The following KIAA1217 variants were observed in gnomAD, a reference collection of about 807,000 sequenced individuals.
KIAA1217 encodes sickle tail protein homolog.
KIAA1217 carries 88 observed loss-of-function variants against 163.9 expected under a neutral mutation model. The ratio of observed to expected loss-of-function variants is 0.54; its 90% CI spans 0.45 to 0.64. The LOEUF (loss-of-function observed/expected upper bound fraction) is 0.64, where lower values mean the gene tolerates loss of function less well. Among genes scored for constraint, KIAA1217 ranks in the 30% least tolerant of loss-of-function variants. The pLI is 0.00. For synonymous variants in KIAA1217, 903 were observed against 923.1 expected (o/e 0.98, Z 0.39); for missense variants, 2,372 against 2,475.0 (o/e 0.96, Z 0.88).
At chr10:23,971,216 G>T (rs544235770) in intron 1 of KIAA1217, among the ~76,000 whole-genome samples, 2 of 152,270 alleles carry the variant, frequency 1.3e-5, no homozygotes, top group Admixed American at 1.3e-4. Flanking sequence ...CTTTTGAGGC[G>T]CTCTTCCCTT....
At chr10:24,358,039 C>G (rs1252434229) in intron 2 of KIAA1217, among the ~76,000 whole-genome samples, 1 of 152,220 alleles carries the variant, frequency 6.6e-6, no homozygotes, top group Non-Finnish European at 1.5e-5. Flanking sequence ...AAGCAAGCTG[C>G]ACAGAGCCAA....
rs190833991 is a variant in KIAA1217 at position 24,013,816 on chromosome 10, C to T, written c.-171+6442C>T. 3.9e-5 allele frequency among the ~76,000 whole-genome samples: 6 copies of T among 151,940 alleles called. No homozygotes were observed. In the East Asian group the frequency reaches 7.8e-4, roughly 20 times the overall value. ...CTTGGCCATGCGCTATGGGGAGTGC[C>T]GCCATGAGGGGAGGGAAGGAGAGAT... On this transcript the variant is annotated intron_variant, in intron 2 of 18. Transcript: ENST00000376462.
chr10:23,934,604 TATGTATATATATATATA>T (rs1843431203), intron 1 of KIAA1217, among the ~76,000 whole-genome samples: 3 of 84,172 alleles, frequency 3.6e-5, no homozygotes, highest in African/African-American at 1.2e-4. Flanking sequence ...TATATATATA[TATGTATATATATATATA>T]TATATTTTTT....
At chr10:24,036,713 A>G (rs1848408639) in intron 2 of KIAA1217, among the ~76,000 whole-genome samples, 1 of 152,058 alleles carries the variant, frequency 6.6e-6, no homozygotes, top group Non-Finnish European at 1.5e-5. Flanking sequence ...AAACAACCAG[A>G]TCTCACGTGG....
intron 2 of KIAA1217, among the ~76,000 whole-genome samples, chr10:24,151,458 T>C (rs1219375474): frequency 6.9e-6 from 1 of 145,836 alleles, no homozygotes; most frequent in African/African-American, 2.6e-5. Context: ...GAGTATCTAG[T>C]ATGCATCGGG....
chr10:24,546,321 T>C lies in KIAA1217; in HGVS notation c.5829T>C (p.Ser1943=), dbSNP rs755744382. 1.7e-5 allele frequency: 27 copies of C among 1,589,424 alleles called. No individual in the cohort carries two copies. Among genetic ancestry groups the C allele is most frequent in the Non-Finnish European group, 2.1e-5 (25 of 1,168,432 alleles). ...CCCCATCCACAGCAAAAGAAACCTC[T>C]TAAAGGTCAAATCCTATTAGGCACA... ...KATPSTAKET[S] Residue 1943 remains serine, a synonymous_variant, in exon 21 of 21, where the codon TCT becomes TCC. Transcript: ENST00000376454.
At chr10:24,515,688 C>A (rs1172808815) in intron 10 of KIAA1217, among the ~76,000 whole-genome samples, 1 of 152,170 alleles carries the variant, frequency 6.6e-6, no homozygotes. Flanking sequence ...GAGAGACTAA[C>A]CCAGGGATCA....
intron 2 of KIAA1217, among the ~76,000 whole-genome samples, chr10:24,106,942 G>A (rs1011712707): frequency 1.3e-5 from 2 of 152,132 alleles, no homozygotes; most frequent in African/African-American, 2.4e-5. Context: ...TGGCTAAATT[G>A]CATGTCATGG....
chr10:23,913,985 C>A (rs1842543308), intron 1 of KIAA1217, among the ~76,000 whole-genome samples: 1 of 152,122 alleles, frequency 6.6e-6, no homozygotes, highest in African/African-American at 2.4e-5. Flanking sequence ...CTCCTAGGTG[C>A]CAGGGGTGTT....
At chr10:24,063,057 AG>A (rs1320280285) in intron 2 of KIAA1217, among the ~76,000 whole-genome samples, 1 of 151,824 alleles carries the variant, frequency 6.6e-6, no homozygotes, top group African/African-American at 2.4e-5. Flanking sequence ...TCAGATGAGT[AG>A]GTTGCAAAAA....
At chr10:24,140,115 T>C (rs1702839969) in intron 2 of KIAA1217, among the ~76,000 whole-genome samples, 1 of 151,992 alleles carries the variant, frequency 6.6e-6, no homozygotes, top group African/African-American at 2.4e-5. Context: ...ATCCCAGCAC[T>C]TTGGGAGGCC....
chr10:24,217,908 A>G (rs1401336343), intron 1 of KIAA1217, among the ~76,000 whole-genome samples: 1 of 152,234 alleles, frequency 6.6e-6, no homozygotes, highest in African/African-American at 2.4e-5. Context: ...ATGTTAGTTC[A>G]GTCGTCTTCA....
intron 1 of KIAA1217, among the ~76,000 whole-genome samples, chr10:23,847,242 G>A (rs770269321): frequency 1.6e-4 from 25 of 152,034 alleles, no homozygotes; most frequent in Non-Finnish European, 2.6e-4. Context: ...GGATGATGCC[G>A]GCCTCATAAA....
chr10:24,021,153 A>G (rs1589244622), intron 2 of KIAA1217, among the ~76,000 whole-genome samples: 2 of 151,978 alleles, frequency 1.3e-5, no homozygotes, highest in African/African-American at 4.8e-5. Context: ...ATCTCAATAG[A>G]TAAGTAGAAA....
At chr10:23,745,826 G>C (rs1336794830) in intron 1 of KIAA1217, among the ~76,000 whole-genome samples, 1 of 152,150 alleles carries the variant, frequency 6.6e-6, no homozygotes, top group Non-Finnish European at 1.5e-5. Context: ...CATCAGCAGT[G>C]GGTGCAAATA....
At chr10:23,832,109 G>C (rs1838232807) in intron 1 of KIAA1217, among the ~76,000 whole-genome samples, 1 of 152,082 alleles carries the variant, frequency 6.6e-6, no homozygotes, top group South Asian at 2.1e-4. Flanking sequence ...AGTCCCACAA[G>C]ACTTCTCTCC....
intron 2 of KIAA1217, among the ~76,000 whole-genome samples, chr10:24,070,940 T>A (rs1391266776): frequency 2.6e-5 from 4 of 152,200 alleles, no homozygotes. Context: ...GTTGGGTGAC[T>A]TTGTACCCTT....
chr10:24,034,550 G>A (rs1216378859), intron 2 of KIAA1217, among the ~76,000 whole-genome samples: 1 of 138,798 alleles, frequency 7.2e-6, no homozygotes, highest in Non-Finnish European at 1.6e-5. Flanking sequence ...GCAATAAGAT[G>A]AGACCCTGTC....
chr10:23,969,419 T>G (rs1472475479), intron 1 of KIAA1217, among the ~76,000 whole-genome samples: 1 of 152,230 alleles, frequency 6.6e-6, no homozygotes, highest in African/African-American at 2.4e-5. Flanking sequence ...TCACAATGCA[T>G]GAGGGTTCTA....
Sources: gnomAD v4.1 joint callset for allele counts (sites outside exome capture counted in the v4.1 genomes callset) on GRCh38, gnomAD v4.1.1 for gene constraint, MANE v1.5 for transcripts, NCBI Gene and HGNC (gene_info 2026-07-23, HGNC 2026-07-21) for gene names.